ZFYVE27: variants seen among roughly 807,000 people sequenced by gnomAD.
The protein encoded by ZFYVE27 is zinc finger FYVE-type containing 27, also known as protrudin.
ZFYVE27 carries 36 observed loss-of-function variants against 52.8 expected under a neutral mutation model. That is an observed-to-expected ratio of 0.68 (90% CI 0.52 to 0.90). The LOEUF is 0.90. Among genes scored for constraint, ZFYVE27 ranks in the 40% least tolerant of loss-of-function variants. The pLI is 0.00. For synonymous variants in ZFYVE27, 223 were observed against 215.6 expected (o/e 1.03, Z -0.30); for missense variants, 450 against 527.2 (o/e 0.85, Z 1.43).
chr10:97,753,307 A>G, intron 10 of ZFYVE27, 125 bp downstream of exon 10: 1 of 1,411,642 alleles, frequency 7.1e-7, no homozygotes, highest in Non-Finnish European at 9.5e-7. Context: ...TGACAAGAGC[A>G]GGGAGTGAAG....
At chr10:97,759,175 G>T (rs921463448) in intron 12 of ZFYVE27, 61 bp from the exon 13 acceptor site, 1 of 1,592,512 alleles carries the variant, frequency 6.3e-7, no homozygotes. Flanking sequence ...GCTTCTAGTA[G>T]TTGGGGCCAT....
At chr10:97,745,931 C>G (rs1041430345) in intron 4 of ZFYVE27, among the ~76,000 whole-genome samples, 4 of 151,550 alleles carry the variant, frequency 2.6e-5, no homozygotes, top group African/African-American at 4.9e-5. Context: ...GGGCCTCACC[C>G]CAGAAATTCC....
In ZFYVE27 at chr10:97,759,372, T is replaced by A; in HGVS notation, c.*72T>A. On this transcript the variant is annotated 3_prime_UTR_variant, in exon 13 of 13. Transcript: ENST00000684270. ...GTAGACCCCCCACTCTCCCCACCCC[T>A]GGCCCACTGTGGTGTGTGCTGGGCA... is the stretch of plus-strand genomic sequence containing the variant. 6.6e-7 allele frequency: 1 copy of A among 1,523,898 alleles called. No homozygotes were observed. Among genetic ancestry groups the A allele is most frequent in the East Asian group, 2.3e-5 (1 of 44,370 alleles). The allele number at this position is 1,523,898 out of a possible 1,614,324, so 94.4% of individuals were successfully genotyped here.
intron 4 of ZFYVE27, among the ~76,000 whole-genome samples, chr10:97,746,342 C>T (rs1367004494): frequency 1.3e-5 from 2 of 152,094 alleles, no homozygotes; most frequent in Non-Finnish European, 1.5e-5. Context: ...GCCACCGCAC[C>T]CAGCCTGAAA....
At chr10:97,745,998 T>C (rs2136081537) in intron 4 of ZFYVE27, among the ~76,000 whole-genome samples, 1 of 149,524 alleles carries the variant, frequency 6.7e-6, no homozygotes, top group South Asian at 2.1e-4. Flanking sequence ...AAGACTTTCT[T>C]ACTTTGAAAT....
At chr10:97,757,166 G>C in intron 10 of ZFYVE27, 99 bp from the exon 11 acceptor site, 1 of 1,549,348 alleles carries the variant, frequency 6.5e-7, no homozygotes, top group Non-Finnish European at 8.9e-7. Flanking sequence ...CAAGGAGGCT[G>C]GGCTGGTGTC....
At position 97,748,332 on chromosome 10, in the gene ZFYVE27, G is replaced by A; in HGVS notation, c.519G>A (p.Val173=). 10 of 1,614,180 alleles carry A rather than the reference G, an allele frequency of 6.2e-6. No individual in the cohort carries two copies. Among genetic ancestry groups the A allele is most frequent in the Non-Finnish European group, 8.5e-6 (10 of 1,180,048 alleles). Residue 173 remains valine (V), a synonymous_variant, in exon 5 of 13, where the codon GTG becomes GTA. Transcript: ENST00000684270. Reference sequence around the variant, plus strand: ...GCACATGTGAAGCCGCCTACCGCGTGCTGCACTGGGAGAACCCCGTCGTGT... The same window carrying A: ...GCACATGTGAAGCCGCCTACCGCGTACTGCACTGGGAGAACCCCGTCGTGT... The part of the protein sequence containing the change: ...LCCTCEAAYR[V]LHWENPVVSS...
intron 2 of ZFYVE27, among the ~76,000 whole-genome samples, chr10:97,742,480 C>T (rs1276699206): frequency 6.6e-6 from 1 of 152,096 alleles, no homozygotes; most frequent in Non-Finnish European, 1.5e-5. Flanking sequence ...GGTGTGATTG[C>T]TAAGTGAATG....
At chr10:97,740,048 T>C (rs897285164) in intron 2 of ZFYVE27, among the ~76,000 whole-genome samples, 3 of 152,216 alleles carry the variant, frequency 2.0e-5, no homozygotes, top group African/African-American at 7.2e-5. Flanking sequence ...TGTAAAATTA[T>C]GTGTCTGCAC....
rs1433665758 is a variant in ZFYVE27 at position 97,746,046 on chromosome 10, TATATA to T, written c.455+1132_455+1136del. Among the ~76,000 whole-genome samples, 497 of 70,282 alleles carry T rather than the reference TATATA, an allele frequency of 7.1e-3. 4 individuals are homozygous for T. The highest frequency in any genetic ancestry group is 0.019 in the African/African-American group (280 of 14,604). 46.1% of individuals were successfully genotyped at this position (70,282 alleles called of 152,430 possible). A position where few individuals can be genotyped will look rare whatever the true frequency, so the allele number is the denominator to read the frequency against. On this transcript the variant is annotated intron_variant, in intron 4 of 12. Transcript: ENST00000684270. ...ATATACACATATATATATATATATA[TATATA>T]TTTTTTTTTTTTTTTGAGACAGAGT...
In ZFYVE27 at chr10:97,748,333, C is replaced by A. The variant is rs1459083980; in HGVS notation, c.520C>A (p.Leu174Met). The A allele has an allele frequency of 1.9e-6, 3 of 1,614,064 alleles. No homozygotes were observed. Among genetic ancestry groups the A allele is most frequent in the African/African-American group, 1.3e-5 (1 of 74,944 alleles). ...CACATGTGAAGCCGCCTACCGCGTG[C>A]TGCACTGGGAGAACCCCGTCGTGTC... ...CCTCEAAYRV[L>M]HWENPVVSSQ... The change falls in exon 5 of 13, where the codon CTG becomes ATG. Residue 174 changes from leucine (L) to methionine (M), a missense_variant. Physicochemically the swap from Leu to Met is conservative, Grantham distance 15. Coordinates refer to ENST00000684270, the MANE Select transcript of ZFYVE27 (RefSeq NM_001385875.1).
intron 2 of ZFYVE27, among the ~76,000 whole-genome samples, chr10:97,739,368 C>T (rs2042977768): frequency 6.6e-6 from 1 of 152,056 alleles, no homozygotes; most frequent in Non-Finnish European, 1.5e-5. Context: ...TGTGCCCAGC[C>T]CATTTTTACT....
intron 4 of ZFYVE27, among the ~76,000 whole-genome samples, chr10:97,746,864 A>G (rs1175738886): frequency 6.6e-6 from 1 of 151,574 alleles, no homozygotes; most frequent in African/African-American, 2.4e-5. Flanking sequence ...AATTAAAACA[A>G]TTTTTTTGTA....
rs542843678 is a variant in ZFYVE27, at chr10:97,753,435, G to GAAC, written c.1042+254_1042+256dup. On this transcript the variant is annotated intron_variant, in intron 10 of 12. Coordinates refer to ENST00000684270, the MANE Select transcript of ZFYVE27 (RefSeq NM_001385875.1). ...GGACATTCAGTTGTGGGAAGACAAGGAACTCAGTTTGGGAAATGCCATCCC... is the reference window on the plus strand; with the variant it reads ...GGACATTCAGTTGTGGGAAGACAAGGAACAACTCAGTTTGGGAAATGCCATCCC... Among the ~76,000 whole-genome samples, 352 of 152,284 alleles carry GAAC rather than the reference G, an allele frequency of 2.3e-3. 2 individuals carry two copies. Among genetic ancestry groups the GAAC allele is most frequent in the African/African-American group, 7.9e-3 (330 of 41,548 alleles).
In ZFYVE27 at chr10:97,757,717, G is replaced by A. The variant is rs1481321102; in HGVS notation, c.1165G>A (p.Ala389Thr). 5.6e-6 allele frequency: 9 copies of A among 1,614,214 alleles called. No individual in the cohort carries two copies. In the South Asian group the frequency reaches 8.8e-5, roughly 16 times the overall value. The change falls in exon 12 of 13, where the codon GCC (alanine) becomes ACC (threonine). Residue 389 changes from alanine (A) to threonine (T), a missense_variant. Coordinates refer to ENST00000684270, the MANE Select transcript of ZFYVE27 (RefSeq NM_001385875.1). ...SFKVPKSSMG[A>T]TAPEAQRETV... ...CAAGGTGCCCAAGTCCTCCATGGGGGCCACAGGTGAGTGGTGCAGGTGGTG... is the reference window on the plus strand; with the variant it reads ...CAAGGTGCCCAAGTCCTCCATGGGGACCACAGGTGAGTGGTGCAGGTGGTG...
At chr10:97,738,427 G>T in intron 1 of ZFYVE27, 50 bp from the exon 2 acceptor site, 1 of 1,599,824 alleles carries the variant, frequency 6.3e-7, no homozygotes. Context: ...GTAGAATTGT[G>T]TTGAGGACTA....
At chr10:97,748,206 G>A in intron 4 of ZFYVE27, 63 bp from the exon 5 acceptor site, 1 of 1,503,052 alleles carries the variant, frequency 6.7e-7, no homozygotes, top group Admixed American at 1.7e-5. Flanking sequence ...TACCTGCAAG[G>A]CCCCAGGCTC....
Position 97,744,782 on chromosome 10 carries a change from T to C in ZFYVE27, c.322T>C (p.Tyr108His). 1 of 1,614,094 alleles carries C rather than the reference T, an allele frequency of 6.2e-7. No individual in the cohort carries two copies. The highest frequency in any genetic ancestry group is 8.5e-7 in the Non-Finnish European group (1 of 1,180,050). ...GATTTCAGTGCCCGCCCTGCTGGGC[T>C]ACCTTCAGGAGGTTTGCCGGGCACG... ...LMISVPALLG[Y>H]LQEVCRARLP... is the part of the protein sequence containing the mutation. The change falls in exon 4 of 13, where the codon TAC becomes CAC. Residue 108 changes from tyrosine to histidine, a missense_variant. By Grantham distance (83) the Tyr-to-His change is moderately conservative (BLOSUM62 2). Transcript: ENST00000684270.
At chr10:97,748,519 G>T (rs753173095) in intron 5 of ZFYVE27, among the ~76,000 whole-genome samples, 155 bp downstream of exon 5, 6 of 152,166 alleles carry the variant, frequency 3.9e-5, no homozygotes, top group Admixed American at 6.5e-5. Context: ...ATATGCTTGC[G>T]GGCTCTAATG....
Sources: gnomAD v4.1 joint callset for allele counts (sites outside exome capture counted in the v4.1 genomes callset) on GRCh38, gnomAD v4.1.1 for gene constraint, MANE v1.5 for transcripts, NCBI Gene and HGNC (gene_info 2026-07-23, HGNC 2026-07-21) for gene names.